The following FGF14 variants were observed in gnomAD, a reference collection of about 807,000 sequenced individuals.
The protein encoded by FGF14 is fibroblast growth factor homologous factor 4.
A neutral mutation model predicts 25.5 loss-of-function variants in FGF14; 5 were observed. The ratio of observed to expected loss-of-function variants is 0.20; its 90% confidence interval spans 0.10 to 0.41. The LOEUF (loss-of-function observed/expected upper bound fraction) is 0.41, where lower values mean the gene tolerates loss of function less well. Among genes scored for constraint, FGF14 ranks in the 10% least tolerant of loss-of-function variants. The pLI, the probability that FGF14 is intolerant of heterozygous loss-of-function variation, is 1.00. For missense variants in FGF14, 222 were observed against 320.1 expected, an observed-to-expected ratio of 0.69 and a Z score of 2.34; for synonymous variants, 138 against 118.3, an observed-to-expected ratio of 1.17 and a Z score of -1.08.
chr13:102,336,502 A>G (rs1297411318), intron 1 of FGF14, among the ~76,000 whole-genome samples: 4 of 152,246 alleles, frequency 2.6e-5, no homozygotes, highest in Non-Finnish European at 2.9e-5. Flanking sequence ...TCTCTCTAGC[A>G]TCCAAGTGCA....
intron 1 of FGF14, among the ~76,000 whole-genome samples, chr13:102,054,330 A>G (rs780782456): frequency 3.3e-4 from 50 of 152,184 alleles, no homozygotes; most frequent in Non-Finnish European, 6.3e-4. Context: ...CTAGAATTTT[A>G]TCTCCTCTTT....
intron 1 of FGF14, among the ~76,000 whole-genome samples, chr13:102,330,072 G>A (rs2056586663): frequency 1.3e-5 from 2 of 152,038 alleles, no homozygotes; most frequent in South Asian, 4.2e-4. Context: ...CCTTAATGCT[G>A]ACAGGCAGGG....
Position 102,194,674 on chromosome 13 carries a change from A to T in FGF14, c.208+206797T>A, listed in dbSNP as rs1403480764. On this transcript the variant is annotated intron_variant, in intron 1 of 4. Transcript: ENST00000376131. ...ACTTTAGAAGAAGAAGTAAAAGAGAAAAAGTAGAAAAAATATTTGAGGAAA... is the reference window on the plus strand; with the variant it reads ...ACTTTAGAAGAAGAAGTAAAAGAGATAAAGTAGAAAAAATATTTGAGGAAA... Among the ~76,000 whole-genome samples the T allele has an allele frequency of 2.6e-5, 4 of 152,202 alleles. No homozygotes were observed. The East Asian group carries it at 7.7e-4, about 29-fold the overall frequency.
chr13:102,044,221 A>G (rs1467685806), intron 1 of FGF14, among the ~76,000 whole-genome samples: 1 of 152,142 alleles, frequency 6.6e-6, no homozygotes, highest in African/African-American at 2.4e-5. Context: ...CAGTTGAGGT[A>G]CTTTCCAAAT....
chr13:102,368,644 GATA>G (rs2057786367), intron 1 of FGF14, among the ~76,000 whole-genome samples: 1 of 152,084 alleles, frequency 6.6e-6, no homozygotes, highest in South Asian at 2.1e-4. Flanking sequence ...TGACAGAAAT[GATA>G]ATAGCTTAAA....
chr13:101,920,296 G>A (rs187156842), upstream of FGF14, among the ~76,000 whole-genome samples: 129 of 152,202 alleles, frequency 8.5e-4, 1 homozygote, highest in African/African-American at 3.0e-3. Context: ...AATAAAGTAC[G>A]GCCCAGGTGG....
chr13:101,944,584 A>AC (rs544982477), intron 1 of FGF14, among the ~76,000 whole-genome samples: 295 of 152,338 alleles, frequency 1.9e-3, no homozygotes, highest in Non-Finnish European at 3.7e-3. Context: ...CACTATTTAT[A>AC]CCCATGTTCA....
chr13:102,099,081 T>TGCC (rs1188938840), intron 1 of FGF14, among the ~76,000 whole-genome samples: 3 of 152,116 alleles, frequency 2.0e-5, no homozygotes, highest in Admixed American at 2.0e-4. Context: ...CCTCACAGCT[T>TGCC]TGCCAAGGGG....
intron 1 of FGF14, among the ~76,000 whole-genome samples, chr13:102,213,099 C>T (rs1328068259): frequency 6.6e-6 from 1 of 152,166 alleles, no homozygotes; most frequent in Non-Finnish European, 1.5e-5. Context: ...TCTAAAGCAG[C>T]CTGCTAAGCA....
rs78497303 is a variant in FGF14 at position 101,943,266 on chromosome 13, C to T, written c.209-67970G>A. On this transcript the variant is annotated intron_variant, in intron 1 of 4. Transcript: ENST00000376131. Reference sequence around the variant, plus strand: ...CAGTATAATACTCTCCTGTTTTAGACTTAACCGTGTGTCTGCTACCATCTA... The same window carrying T: ...CAGTATAATACTCTCCTGTTTTAGATTTAACCGTGTGTCTGCTACCATCTA... Among the ~76,000 whole-genome samples, 504 of 152,240 alleles carry T rather than the reference C, an allele frequency of 3.3e-3. 12 individuals carry two copies. In the East Asian group the frequency reaches 0.075, roughly 23 times the overall value.
intron 1 of FGF14, among the ~76,000 whole-genome samples, chr13:102,380,409 C>A (rs1294750238): frequency 1.3e-5 from 2 of 152,110 alleles, no homozygotes; most frequent in African/African-American, 2.4e-5. Flanking sequence ...TGAAACAGAG[C>A]ATGAAGTCCC....
At chr13:101,743,053 T>A (rs2036653918) in intron 3 of FGF14, among the ~76,000 whole-genome samples, 1 of 152,236 alleles carries the variant, frequency 6.6e-6, no homozygotes, top group Non-Finnish European at 1.5e-5. Context: ...TGCTTCAAGT[T>A]GTCCCGCCTT....
intron 1 of FGF14, among the ~76,000 whole-genome samples, chr13:102,069,846 G>A (rs181774561): frequency 2.7e-4 from 41 of 152,276 alleles, no homozygotes; most frequent in African/African-American, 9.4e-4. Flanking sequence ...AACGGCTCAC[G>A]CCTATAATCC....
chr13:102,102,211 C>G (rs1370962148), intron 1 of FGF14, among the ~76,000 whole-genome samples: 1 of 152,142 alleles, frequency 6.6e-6, no homozygotes, highest in Non-Finnish European at 1.5e-5. Context: ...AGAGCTCTAA[C>G]CCAGTAGTAG....
chr13:102,370,462 G>T (rs1330763470), intron 1 of FGF14, among the ~76,000 whole-genome samples: 2 of 151,756 alleles, frequency 1.3e-5, no homozygotes, highest in East Asian at 3.9e-4. Flanking sequence ...ATGAGATGGG[G>T]TCTCACTATG....
At chr13:102,317,297 G>C (rs1330429067) in intron 1 of FGF14, among the ~76,000 whole-genome samples, 3 of 151,944 alleles carry the variant, frequency 2.0e-5, no homozygotes, top group African/African-American at 7.3e-5. Flanking sequence ...GATCGATTCA[G>C]TAATTTATAT....
At chr13:102,258,621 G>C (rs1276401952) in intron 1 of FGF14, among the ~76,000 whole-genome samples, 1 of 152,158 alleles carries the variant, frequency 6.6e-6, no homozygotes, top group Non-Finnish European at 1.5e-5. Flanking sequence ...GATGGCAGCA[G>C]ATGGGTCGCT....
intron 1 of FGF14, among the ~76,000 whole-genome samples, chr13:102,218,191 T>C (rs2050456494): frequency 6.6e-6 from 1 of 152,032 alleles, no homozygotes; most frequent in Non-Finnish European, 1.5e-5. Context: ...TTTCATCAAA[T>C]CCGTATTTTC....
At chr13:102,103,397 C>G (rs1033300207) in intron 1 of FGF14, among the ~76,000 whole-genome samples, 1 of 151,870 alleles carries the variant, frequency 6.6e-6, no homozygotes, top group African/African-American at 2.4e-5. Flanking sequence ...TTCCTGAAAC[C>G]AAGGCGATGG....
Sources: gnomAD v4.1 joint callset for allele counts (sites outside exome capture counted in the v4.1 genomes callset) on GRCh38, gnomAD v4.1.1 for gene constraint, MANE v1.5 for transcripts, NCBI Gene and HGNC (gene_info 2026-07-23, HGNC 2026-07-21) for gene names.